The following SH3PXD2B variants were observed in gnomAD, a reference collection of about 807,000 sequenced individuals.
SH3PXD2B encodes SH3 and PX domains 2B, also known as SH3 and PX domain-containing protein 2B.
SH3PXD2B carries 37 observed loss-of-function variants against 73.1 expected under a neutral mutation model. That is an observed-to-expected ratio of 0.51 (90% CI 0.39 to 0.67). SH3PXD2B has a LOEUF of 0.67. SH3PXD2B is among the 30% of genes least tolerant of loss of function. The pLI is 0.00. For synonymous variants in SH3PXD2B, 457 were observed against 480.5 expected, an observed-to-expected ratio of 0.95 and a Z score of 0.64; for missense variants, 1,053 against 1,197.8, an observed-to-expected ratio of 0.88 and a Z score of 1.78.
intron 1 of SH3PXD2B, among the ~76,000 whole-genome samples, chr5:172,432,424 T>TA (rs948659632): frequency 1.3e-5 from 2 of 152,098 alleles, no homozygotes; most frequent in African/African-American, 4.8e-5. Context: ...GGATTCTTGT[T>TA]AAGAGTATGG....
chr5:172,327,668 A>G (rs1756469879), intron 12 of SH3PXD2B, among the ~76,000 whole-genome samples: 1 of 151,716 alleles, frequency 6.6e-6, no homozygotes, highest in South Asian at 2.1e-4. Context: ...AACTCACTGT[A>G]GTGTCAATCT....
chr5:172,390,113 G>C (rs868625544), intron 4 of SH3PXD2B, among the ~76,000 whole-genome samples: 1 of 152,198 alleles, frequency 6.6e-6, no homozygotes, highest in Non-Finnish European at 1.5e-5. Context: ...GTAAATTACA[G>C]AGTTGTGCAG....
chr5:172,398,507 C>T (rs1758356787), intron 3 of SH3PXD2B, among the ~76,000 whole-genome samples: 1 of 152,166 alleles, frequency 6.6e-6, no homozygotes, highest in Non-Finnish European at 1.5e-5. Flanking sequence ...ATTGCTGCCC[C>T]CACTGATAAA....
rs1055864907 is a variant in SH3PXD2B at position 172,445,255 on chromosome 5, C to A, written c.75+9023G>T. Reference sequence around the variant, plus strand: ...CCACATGTCATCTCTGTCGCCCAGGCTGGAGTGCAGTGGCGCAAACATGGC... The same window carrying A: ...CCACATGTCATCTCTGTCGCCCAGGATGGAGTGCAGTGGCGCAAACATGGC... On this transcript the variant is annotated intron_variant, in intron 1 of 12. Transcript: ENST00000311601. The surrounding 1 kb of genome is among the most constrained non-coding windows in gnomAD (Gnocchi z 5.2). Among the ~76,000 whole-genome samples, 1 of 152,214 alleles carries A rather than the reference C, an allele frequency of 6.6e-6. No homozygotes were observed. Among genetic ancestry groups the A allele is most frequent in the African/African-American group, 2.4e-5 (1 of 41,458 alleles).
chr5:172,333,974 T>C lies in SH3PXD2B; in HGVS notation c.*4395A>G. On this transcript the variant is annotated 3_prime_UTR_variant, in exon 13 of 13. Transcript: ENST00000311601. ...TTGCATTAGAATTGCTTATTGCTGA[T>C]GTAAGCCTGGTGGGGGCACCTTCTT... The C allele has an allele frequency of 8.3e-7, 1 of 1,210,464 alleles. No individual in the cohort carries two copies. The highest frequency in any genetic ancestry group is 1.6e-5 in the African/African-American group (1 of 62,520). The allele number at this position is 1,210,464 out of a possible 1,614,324, so 75.0% of individuals were successfully genotyped here.
chr5:172,328,267 G>A (rs1355353206), intron 12 of SH3PXD2B, among the ~76,000 whole-genome samples: 1 of 150,228 alleles, frequency 6.7e-6, no homozygotes, highest in African/African-American at 2.5e-5. Flanking sequence ...CACCATGCCT[G>A]GCTAATTTTT....
chr5:172,415,909 A>G (rs1165489070), intron 2 of SH3PXD2B, among the ~76,000 whole-genome samples: 1 of 152,170 alleles, frequency 6.6e-6, no homozygotes, highest in East Asian at 1.9e-4. Flanking sequence ...GCTCTATCCC[A>G]TTTCCTGCAC....
chr5:172,452,888 C>T (rs1392627235), intron 1 of SH3PXD2B, among the ~76,000 whole-genome samples: 1 of 152,168 alleles, frequency 6.6e-6, no homozygotes, highest in Non-Finnish European at 1.5e-5. Context: ...TTTAGCTCAG[C>T]TCTGGAATCA....
At chr5:172,329,057 G>GTATATATA, downstream of SH3PXD2B, among the ~76,000 whole-genome samples, 1 of 105,166 alleles carries the variant, frequency 9.5e-6, no homozygotes, top group African/African-American at 3.8e-5. Context: ...GTGTGTGTGT[G>GTATATATA]TGTATATATA....
At chr5:172,384,440 T>C (rs79771452) in intron 4 of SH3PXD2B, among the ~76,000 whole-genome samples, 3,462 of 152,300 alleles carry the variant, frequency 0.023, 120 homozygotes, top group African/African-American at 0.079. Context: ...ACTGCTGTGC[T>C]ACCAGCACCG....
chr5:172,361,225 A>G (rs1286099902), intron 7 of SH3PXD2B, among the ~76,000 whole-genome samples: 1 of 152,188 alleles, frequency 6.6e-6, no homozygotes, highest in Non-Finnish European at 1.5e-5. Flanking sequence ...ACACATGTGT[A>G]TATAACATTT....
At chr5:172,427,386 C>T (rs1248111400) in intron 1 of SH3PXD2B, among the ~76,000 whole-genome samples, 1 of 152,136 alleles carries the variant, frequency 6.6e-6, no homozygotes, top group Non-Finnish European at 1.5e-5. Context: ...CGCTCTGTCA[C>T]CCAGGGTGGA....
rs1312374031 is a variant in SH3PXD2B, at chr5:172,421,376, T to C, written c.156+1040A>G. Reference sequence around the variant, plus strand: ...TCTGCCTGGCTCCCTATAAGACTGGTAGTATACATGGTGTTCGTTCATTCA... The same window carrying C: ...TCTGCCTGGCTCCCTATAAGACTGGCAGTATACATGGTGTTCGTTCATTCA... On this transcript the variant is annotated intron_variant, in intron 2 of 12. Transcript: ENST00000311601. This position sits in a 1 kb window ranked among gnomAD's most constrained non-coding sequence, Gnocchi z 4.0. Among the ~76,000 whole-genome samples the C allele has an allele frequency of 6.6e-6, 1 of 152,218 alleles. No homozygotes were observed. Among genetic ancestry groups the C allele is most frequent in the Non-Finnish European group, 1.5e-5 (1 of 68,034 alleles).
chr5:172,371,014 G>C (rs1312666027), intron 6 of SH3PXD2B, among the ~76,000 whole-genome samples: 1 of 152,208 alleles, frequency 6.6e-6, no homozygotes, highest in Non-Finnish European at 1.5e-5. Flanking sequence ...TATGAGAGAA[G>C]AGGGGATGAG....
intron 9 of SH3PXD2B, among the ~76,000 whole-genome samples, chr5:172,352,457 C>T (rs540256762): frequency 1.4e-4 from 21 of 152,006 alleles, no homozygotes; most frequent in Non-Finnish European, 1.5e-4. Context: ...GAATTCCTGG[C>T]CTCAAGTGAT....
At chr5:172,380,390 G>T (rs575033527) in intron 5 of SH3PXD2B, among the ~76,000 whole-genome samples, 24 of 152,274 alleles carry the variant, frequency 1.6e-4, no homozygotes, top group Non-Finnish European at 3.2e-4. Flanking sequence ...AAATGAAGTG[G>T]AAAGGGAACA....
intron 3 of SH3PXD2B, among the ~76,000 whole-genome samples, chr5:172,399,323 C>G (rs573048253): frequency 8.2e-4 from 125 of 152,264 alleles, no homozygotes; most frequent in African/African-American, 2.8e-3. Flanking sequence ...TTATGTAGGT[C>G]CTACAAACAA....
At chr5:172,416,498 T>C (rs1405796350) in intron 2 of SH3PXD2B, among the ~76,000 whole-genome samples, 1 of 151,814 alleles carries the variant, frequency 6.6e-6, no homozygotes, top group Non-Finnish European at 1.5e-5. Context: ...CAGCTAGTTT[T>C]TGTATTTTTA....
intron 9 of SH3PXD2B, among the ~76,000 whole-genome samples, chr5:172,351,058 G>A (rs1242836037): frequency 2.6e-5 from 4 of 152,256 alleles, no homozygotes; most frequent in Non-Finnish European, 4.4e-5. Flanking sequence ...CAGAGTGATC[G>A]AGACCCTGAC....
Sources: allele counts gnomAD v4.1 joint callset (sites outside exome capture counted in the v4.1 genomes callset), GRCh38; gene constraint gnomAD v4.1.1; non-coding constraint Gnocchi (gnomAD v3.1); transcripts MANE v1.5; gene names NCBI Gene and HGNC (gene_info 2026-07-23, HGNC 2026-07-21).